Variants in DOCK4 observed in about 807,000 individuals in gnomAD.
DOCK4 encodes dedicator of cytokinesis protein 4.
Under a neutral mutation model 268.1 loss-of-function variants are expected in DOCK4, and 97 were observed. The observed-to-expected ratio is 0.36, with a 90% CI of 0.31 to 0.43. DOCK4 has a LOEUF of 0.43. DOCK4 is among the 20% of genes least tolerant of loss of function. DOCK4 has a pLI of 1.00. For missense variants in DOCK4, 2,145 were observed against 2,455.7 expected (o/e 0.87, Z 2.67); for synonymous variants, 954 against 887.2 (o/e 1.08, Z -1.34).
At chr7:112,178,414 C>G (rs1488037179) in intron 1 of DOCK4, among the ~76,000 whole-genome samples, 2 of 152,070 alleles carry the variant, frequency 1.3e-5, no homozygotes, top group Non-Finnish European at 2.9e-5. Flanking sequence ...GGGTGGGGAG[C>G]TATGAGAGAC....
intron 16 of DOCK4, among the ~76,000 whole-genome samples, chr7:111,880,208 A>G (rs1807266294): frequency 6.6e-6 from 1 of 152,170 alleles, no homozygotes; most frequent in Non-Finnish European, 1.5e-5. Flanking sequence ...AAGTAACACA[A>G]TGGAGCTCCA....
chr7:111,976,274 TATATATATATATATATA>T (rs1562954423), intron 8 of DOCK4, among the ~76,000 whole-genome samples: 186 of 2,422 alleles, frequency 0.077, 2 homozygotes, highest in African/African-American at 0.2. Flanking sequence ...GTCTATTATA[TATATATATATATATATA>T]TATATATATA....
chr7:111,999,397 G>C (rs554426474), intron 3 of DOCK4, among the ~76,000 whole-genome samples: 1 of 151,882 alleles, frequency 6.6e-6, no homozygotes, highest in African/African-American at 2.4e-5. Context: ...AATATGGTAG[G>C]ATCAACAAAT....
At chr7:112,018,451 A>AT (rs1338621738) in intron 1 of DOCK4, among the ~76,000 whole-genome samples, 1 of 152,142 alleles carries the variant, frequency 6.6e-6, no homozygotes, top group Non-Finnish European at 1.5e-5. Flanking sequence ...GAACTTTTAA[A>AT]TTCCTCCTCA....
chr7:111,753,159 C>T (rs1796804462), intron 42 of DOCK4, among the ~76,000 whole-genome samples: 1 of 152,052 alleles, frequency 6.6e-6, no homozygotes, highest in South Asian at 2.1e-4. Flanking sequence ...GGATCTAGGG[C>T]AGGTTCCTTT....
intron 4 of DOCK4, 51 bp from the exon 5 acceptor site, chr7:111,994,282 T>C: frequency 1.6e-6 from 2 of 1,253,936 alleles, no homozygotes; most frequent in Non-Finnish European, 1.1e-6. Flanking sequence ...TAGACAACAA[T>C]TTTGTTTTAA....
chr7:111,849,157 T>C (rs114165315), intron 23 of DOCK4, among the ~76,000 whole-genome samples: 2,098 of 152,296 alleles, frequency 0.014, 41 homozygotes, highest in African/African-American at 0.046. Context: ...TTGTGAGTTT[T>C]GCCGAATTCT....
chr7:111,912,116 G>T (rs1562877408), intron 13 of DOCK4, among the ~76,000 whole-genome samples: 1 of 152,148 alleles, frequency 6.6e-6, no homozygotes, highest in Non-Finnish European at 1.5e-5. Context: ...TTACAAAATG[G>T]TGCAATGGGC....
intron 30 of DOCK4, 40 bp from the exon 31 acceptor site, chr7:111,790,645 C>T (rs189943083): frequency 6.6e-7 from 1 of 1,514,254 alleles, no homozygotes; most frequent in Non-Finnish European, 8.8e-7. Flanking sequence ...TATATTCAAT[C>T]TTAATATGAT....
intron 8 of DOCK4, among the ~76,000 whole-genome samples, chr7:111,946,898 T>TG (rs1795669069): frequency 6.6e-6 from 1 of 152,102 alleles, no homozygotes; most frequent in Non-Finnish European, 1.5e-5. Flanking sequence ...GCCATTTAGA[T>TG]CCAAGGTAAT....
rs1392682468 is a variant in DOCK4, at chr7:111,726,397, C to T, written c.*1877G>A. On this transcript the variant is annotated 3_prime_UTR_variant, in exon 53 of 53. Transcript: ENST00000428084. ...GGAAGCTTTGTTATCTTATGCATGT[C>T]ATCTTATTTAAATGGAAGGTTTTAC... 6.6e-6 allele frequency: 1 copy of T among 152,350 alleles called. No homozygotes were observed. Among genetic ancestry groups the T allele is most frequent in the African/African-American group, 2.4e-5 (1 of 41,404 alleles). The allele number at this position is 152,350 out of a possible 1,614,324, so 9.4% of individuals were successfully genotyped here. A position where few individuals can be genotyped will look rare whatever the true frequency, so the allele number is the denominator to read the frequency against.
Position 112,153,138 on chromosome 7 carries a change from A to T in DOCK4, c.37+52964T>A, listed in dbSNP as rs536159573. On this transcript the variant is annotated intron_variant, in intron 1 of 52. Coordinates refer to ENST00000428084, the MANE Select transcript of DOCK4 (RefSeq NM_001363540.2). ...TTACCTTTGCAGAATGTAGCACAATAAATTCTTAGATTTATGCCTTTGTTA... is the reference window on the plus strand; with the variant it reads ...TTACCTTTGCAGAATGTAGCACAATTAATTCTTAGATTTATGCCTTTGTTA... Among the ~76,000 whole-genome samples, 23 of 152,292 alleles carry T rather than the reference A, an allele frequency of 1.5e-4. No homozygotes were observed. In the South Asian group the frequency reaches 3.7e-3, roughly 25 times the overall value.
intron 40 of DOCK4, among the ~76,000 whole-genome samples, chr7:111,759,910 CT>C (rs201589235): frequency 0.011 from 1,619 of 152,138 alleles, 33 homozygotes; most frequent in African/African-American, 0.035. Context: ...TAAAAAAGAG[CT>C]TTAAAGGCAG....
chr7:111,814,483 C>T (rs1411396686), intron 27 of DOCK4, among the ~76,000 whole-genome samples: 1 of 152,170 alleles, frequency 6.6e-6, no homozygotes, highest in East Asian at 1.9e-4. Flanking sequence ...AACCACTGCT[C>T]TACCTTAGAT....
intron 10 of DOCK4, among the ~76,000 whole-genome samples, chr7:111,944,059 C>T (rs1477319833): frequency 6.6e-6 from 1 of 152,116 alleles, no homozygotes; most frequent in Non-Finnish European, 1.5e-5. Flanking sequence ...TACACCAGTC[C>T]TCATTTCACC....
chr7:112,078,910 G>T (rs769451558), intron 1 of DOCK4, among the ~76,000 whole-genome samples: 27 of 152,164 alleles, frequency 1.8e-4, no homozygotes, highest in Non-Finnish European at 3.7e-4. Flanking sequence ...TGGATCACAT[G>T]AGGCCAGGAG....
At chr7:112,169,355 A>G (rs1817879456) in intron 1 of DOCK4, among the ~76,000 whole-genome samples, 1 of 152,154 alleles carries the variant, frequency 6.6e-6, no homozygotes, top group Non-Finnish European at 1.5e-5. Context: ...CATTGCTCCA[A>G]AGCTATACCT....
In DOCK4 at chr7:111,728,667, G is replaced by C; in HGVS notation, c.5535C>G (p.Leu1845=). Residue 1845 remains leucine (L), a synonymous_variant, in exon 53 of 53, where the codon CTC becomes CTG. Transcript: ENST00000428084. ...PSPVEYHSPG[L]ISNSPVLSGS... ...CCGACAAGACAGGGGAGTTGGAGAT[G>C]AGTCCTGGCGAGTGGTACTCCACTG... is the stretch of plus-strand genomic sequence containing the variant. 1 of 1,613,944 alleles carries C rather than the reference G, an allele frequency of 6.2e-7. No individual in the cohort carries two copies.
rs111729957 is a variant in DOCK4, at chr7:111,956,874, CT to C, written c.702-11077del. 2.2e-3 allele frequency among the ~76,000 whole-genome samples: 342 copies of C among 152,250 alleles called. 4 individuals are homozygous for C. Among genetic ancestry groups the C allele is most frequent in the African/African-American group, 7.7e-3 (321 of 41,554 alleles). On this transcript the variant is annotated intron_variant, in intron 8 of 52. Coordinates refer to ENST00000428084, the MANE Select transcript of DOCK4 (RefSeq NM_001363540.2). The stretch of plus-strand genomic sequence containing the variant: ...TGAGATCTGTTTCAGATACATTTTG[CT>C]TTACAAGCCAAAATCAAATTTCCAT...
Sources: allele counts gnomAD v4.1 joint callset (sites outside exome capture counted in the v4.1 genomes callset), GRCh38; gene constraint gnomAD v4.1.1; transcripts MANE v1.5; gene names NCBI Gene and HGNC (gene_info 2026-07-23, HGNC 2026-07-21).